Variants in UXS1 observed in about 807,000 individuals in gnomAD.
UXS1 encodes UDP-glucuronate decarboxylase 1, also known as UDP-glucuronic acid decarboxylase 1.
UXS1 carries 33 observed loss-of-function variants against 62.6 expected under a neutral mutation model. The observed-to-expected ratio is 0.53, with a 90% CI of 0.40 to 0.70. The LOEUF is 0.70. Ranked by LOEUF, UXS1 falls within the 30% of genes least tolerant of loss-of-function variation. UXS1 has a pLI of 0.00. For synonymous variants in UXS1, 213 were observed against 206.8 expected (o/e 1.03, Z -0.26); for missense variants, 434 against 556.3 (o/e 0.78, Z 2.21).
At chr2:106,161,614 T>G (rs974021697) in intron 4 of UXS1, among the ~76,000 whole-genome samples, 1 of 152,158 alleles carries the variant, frequency 6.6e-6, no homozygotes, top group Non-Finnish European at 1.5e-5. Flanking sequence ...AACCCCAAAT[T>G]AGTCCTTTAC....
intron 4 of UXS1, chr2:106,160,483 C>T (rs532030744): frequency 6.6e-6 from 1 of 152,280 alleles, no homozygotes; most frequent in African/African-American, 2.4e-5. Context: ...GAGTCAAGAC[C>T]GCTCGGGAAT....
rs371684082 is a variant in UXS1, at chr2:106,150,454, G to A, written c.292-5084C>T. Among the ~76,000 whole-genome samples, 8 of 152,168 alleles carry A rather than the reference G, an allele frequency of 5.3e-5. No individual in the cohort carries two copies. In the East Asian group the frequency reaches 9.6e-4, roughly 18 times the overall value. ...CAACGTTTCCAGAGAGGTGCTCGAG[G>A]TCACCATTCATTGCCCTGTGCTGCC... On this transcript the variant is annotated intron_variant, in intron 5 of 14. Transcript: ENST00000283148.
intron 6 of UXS1, among the ~76,000 whole-genome samples, chr2:106,139,125 G>A (rs566476424): frequency 1.8e-4 from 28 of 152,238 alleles, no homozygotes; most frequent in African/African-American, 6.5e-4. Context: ...CACCAAGCAT[G>A]AGCCTGACGT....
intron 11 of UXS1, chr2:106,102,579 A>C (rs1055161277): frequency 6.6e-6 from 1 of 152,228 alleles, no homozygotes; most frequent in Non-Finnish European, 1.5e-5. Flanking sequence ...AATGAGGACA[A>C]AACCGGCCAT....
At chr2:106,171,580 G>C (rs567236471) in intron 1 of UXS1, among the ~76,000 whole-genome samples, 1 of 152,318 alleles carries the variant, frequency 6.6e-6, no homozygotes, top group East Asian at 1.9e-4. Flanking sequence ...ATTTGTTTTA[G>C]AATAGGGATA....
At chr2:106,103,652 C>T (rs1259239331) in intron 11 of UXS1, among the ~76,000 whole-genome samples, 1 of 152,142 alleles carries the variant, frequency 6.6e-6, no homozygotes, top group African/African-American at 2.4e-5. Flanking sequence ...AATATGCATG[C>T]CTATTTGGGC....
intron 9 of UXS1, among the ~76,000 whole-genome samples, chr2:106,117,213 T>C (rs373299210): frequency 3.6e-4 from 55 of 152,368 alleles, no homozygotes; most frequent in African/African-American, 1.2e-3. Context: ...GGCTGCTGCC[T>C]GGAACCTGGA....
intron 4 of UXS1, among the ~76,000 whole-genome samples, chr2:106,162,124 G>C (rs889250397): frequency 6.6e-6 from 1 of 152,130 alleles, no homozygotes; most frequent in African/African-American, 2.4e-5. Flanking sequence ...CAGGCACGCG[G>C]ATCACCTGAC....
chr2:106,138,139 C>T (rs759214511), intron 6 of UXS1: 9 of 982,916 alleles, frequency 9.2e-6, no homozygotes, highest in South Asian at 4.7e-5. Context: ...GAAGCCTCTC[C>T]GACATCAAAC....
At chr2:106,186,515 C>T (rs1474380522) in intron 1 of UXS1, among the ~76,000 whole-genome samples, 1 of 151,698 alleles carries the variant, frequency 6.6e-6, no homozygotes, top group Admixed American at 6.6e-5. Flanking sequence ...TACACACACA[C>T]ACATATATAG....
intron 6 of UXS1, among the ~76,000 whole-genome samples, chr2:106,143,210 C>T (rs1307763247): frequency 3.3e-5 from 5 of 150,766 alleles, no homozygotes; most frequent in East Asian, 3.9e-4. Flanking sequence ...AGATGGAGAC[C>T]ATCCTGGCTA....
intron 6 of UXS1, among the ~76,000 whole-genome samples, chr2:106,136,697 G>C (rs1230241579): frequency 7.4e-5 from 4 of 54,232 alleles, no homozygotes; most frequent in African/African-American, 3.0e-4. Flanking sequence ...TCACTCATAG[G>C]TGGGAATTGA....
intron 7 of UXS1, 89 bp from the exon 8 acceptor site, chr2:106,125,768 T>A: frequency 9.0e-7 from 1 of 1,115,738 alleles, no homozygotes; most frequent in Non-Finnish European, 1.3e-6. Context: ...GTTTTAGTAT[T>A]AAAGACATTT....
intron 6 of UXS1, chr2:106,139,017 A>G (rs2104973161): frequency 3.0e-6 from 1 of 328,484 alleles, no homozygotes; most frequent in Non-Finnish European, 4.4e-6. Context: ...AGTAACATTA[A>G]TAACAACCGG....
chr2:106,129,816 A>C (rs1211851592), intron 6 of UXS1, 38 bp from the exon 7 acceptor site: 7 of 1,435,316 alleles, frequency 4.9e-6, no homozygotes, highest in Non-Finnish European at 6.7e-6. Flanking sequence ...ACTTCAAAAA[A>C]GCACCAAAAA....
intron 5 of UXS1, among the ~76,000 whole-genome samples, chr2:106,150,717 A>T (rs1573516901): frequency 6.6e-6 from 1 of 152,230 alleles, no homozygotes; most frequent in African/African-American, 2.4e-5. Flanking sequence ...GGCGGGGGGT[A>T]GGCAGAGACT....
chr2:106,161,314 C>T (rs943908651), intron 4 of UXS1, among the ~76,000 whole-genome samples: 7 of 152,070 alleles, frequency 4.6e-5, no homozygotes, highest in African/African-American at 1.7e-4. Context: ...TTATGTTGCC[C>T]AGGCTGGGCT....
chr2:106,096,261 C>T (rs868058508), intron 14 of UXS1, among the ~76,000 whole-genome samples: 16 of 151,926 alleles, frequency 1.1e-4, no homozygotes, highest in Middle Eastern at 3.4e-3. Context: ...AGTGAGTGTG[C>T]GCATGTGAGT....
intron 5 of UXS1, among the ~76,000 whole-genome samples, chr2:106,146,827 G>A (rs1313990738): frequency 1.4e-5 from 2 of 140,336 alleles, no homozygotes; most frequent in African/African-American, 5.3e-5. Flanking sequence ...GATCAAAAAT[G>A]GCAGAGGAGA....
Sources: allele counts gnomAD v4.1 joint callset (sites outside exome capture counted in the v4.1 genomes callset), GRCh38; gene constraint gnomAD v4.1.1; transcripts MANE v1.5; gene names NCBI Gene and HGNC (gene_info 2026-07-23, HGNC 2026-07-21).